CDK14: variants seen among roughly 807,000 people sequenced by gnomAD.
CDK14 encodes cyclin-dependent kinase 14.
A neutral mutation model predicts 60.7 loss-of-function variants in CDK14; 34 were observed. That is an observed-to-expected ratio of 0.56 (90% CI 0.43 to 0.75). The LOEUF is 0.75. CDK14 is among the 30% of genes least tolerant of loss of function. The pLI is 0.00. For missense variants in CDK14, 482 were observed against 564.1 expected, an observed-to-expected ratio of 0.85 and a Z score of 1.47; for synonymous variants, 197 against 203.7, an observed-to-expected ratio of 0.97 and a Z score of 0.28.
At chr7:90,979,859 T>G (rs531197990) in intron 9 of CDK14, 1 of 152,354 alleles carries the variant, frequency 6.6e-6, no homozygotes, top group African/African-American at 2.4e-5. Context: ...AATTTTACTT[T>G]GTTTTCCTGA....
intron 9 of CDK14, among the ~76,000 whole-genome samples, 178 bp downstream of exon 9, chr7:90,955,995 C>G (rs1304599929): frequency 6.6e-6 from 1 of 152,124 alleles, no homozygotes; most frequent in Non-Finnish European, 1.5e-5. Context: ...ATTAGAGTCT[C>G]CTTTGCAGAT....
chr7:91,138,540 T>C (rs983513697), intron 14 of CDK14, among the ~76,000 whole-genome samples: 1 of 152,174 alleles, frequency 6.6e-6, no homozygotes, highest in Non-Finnish European at 1.5e-5. Context: ...GAAAAAGCAA[T>C]AGACCTAGGG....
chr7:90,801,681 G>C (rs1434946101), intron 5 of CDK14, among the ~76,000 whole-genome samples: 1 of 152,098 alleles, frequency 6.6e-6, no homozygotes, highest in Non-Finnish European at 1.5e-5. Context: ...ATTCAGATAT[G>C]CCTTTTATCC....
intron 2 of CDK14, among the ~76,000 whole-genome samples, chr7:90,618,260 A>G (rs897730554): frequency 2.6e-5 from 4 of 152,196 alleles, no homozygotes; most frequent in African/African-American, 7.2e-5. Flanking sequence ...AGAAACATTC[A>G]ATACTTTGGA....
chr7:90,837,713 C>G lies in CDK14; in HGVS notation c.545-25462C>G, dbSNP rs985824471. 3.9e-5 allele frequency among the ~76,000 whole-genome samples: 6 copies of G among 152,204 alleles called. No homozygotes were observed. In the South Asian group the frequency reaches 1.2e-3, roughly 32 times the overall value. On this transcript the variant is annotated intron_variant, in intron 5 of 14. Transcript: ENST00000380050. ...AGCCTGTTCTTCTTTGCTTTTTTTACTACTGGATTCTGCCTTCTTGACTCT... is the reference window on the plus strand; with the variant it reads ...AGCCTGTTCTTCTTTGCTTTTTTTAGTACTGGATTCTGCCTTCTTGACTCT...
intron 2 of CDK14, among the ~76,000 whole-genome samples, chr7:90,694,558 T>G (rs1801618532): frequency 6.6e-6 from 1 of 152,170 alleles, no homozygotes; most frequent in African/African-American, 2.4e-5. Context: ...GATAAAATAT[T>G]TTGGTATCTT....
chr7:90,645,684 G>A (rs1364058156), intron 2 of CDK14, among the ~76,000 whole-genome samples: 4 of 152,102 alleles, frequency 2.6e-5, no homozygotes, highest in African/African-American at 7.2e-5. Context: ...TAAAATGAAT[G>A]TTTTTAGACA....
chr7:90,621,899 G>A (rs1799778246), intron 2 of CDK14, among the ~76,000 whole-genome samples: 1 of 152,204 alleles, frequency 6.6e-6, no homozygotes, highest in African/African-American at 2.4e-5. Context: ...CTCCAGAAGT[G>A]GAGGTGACCC....
intron 12 of CDK14, among the ~76,000 whole-genome samples, chr7:91,105,095 G>A (rs1018965476): frequency 2.0e-5 from 3 of 152,150 alleles, no homozygotes; most frequent in Non-Finnish European, 4.4e-5. Flanking sequence ...GATTTCAGAT[G>A]CGCAGCTGAA....
At chr7:90,967,728 G>A (rs904299466) in intron 9 of CDK14, among the ~76,000 whole-genome samples, 2 of 152,118 alleles carry the variant, frequency 1.3e-5, no homozygotes, top group African/African-American at 4.8e-5. Context: ...TTGGATCTGT[G>A]GGCTGTATGA....
At chr7:90,891,284 TAAAC>T (rs1226171474) in intron 6 of CDK14, among the ~76,000 whole-genome samples, 3 of 152,184 alleles carry the variant, frequency 2.0e-5, no homozygotes, top group Non-Finnish European at 4.4e-5. Context: ...GGGAGCTTCT[TAAAC>T]AAGCAGAGAT....
chr7:90,783,020 C>T (rs1300017099), intron 4 of CDK14, among the ~76,000 whole-genome samples: 21 of 152,014 alleles, frequency 1.4e-4, no homozygotes, highest in Admixed American at 1.4e-3. Context: ...CCTTGGTTGA[C>T]AGATTTTATT....
At chr7:90,604,870 C>A (rs1223975235) in intron 2 of CDK14, among the ~76,000 whole-genome samples, 1 of 152,082 alleles carries the variant, frequency 6.6e-6, no homozygotes, top group Non-Finnish European at 1.5e-5. Context: ...GTAGGAATCA[C>A]CAGAGAAATA....
chr7:91,115,402 C>T (rs1562910673), intron 13 of CDK14, among the ~76,000 whole-genome samples: 1 of 152,096 alleles, frequency 6.6e-6, no homozygotes, highest in Non-Finnish European at 1.5e-5. Context: ...CTCACAAAGC[C>T]ATTAATCTCA....
chr7:91,109,425 C>T (rs142684349), intron 12 of CDK14, among the ~76,000 whole-genome samples: 16 of 151,474 alleles, frequency 1.1e-4, no homozygotes, highest in East Asian at 7.8e-4. Flanking sequence ...AAAAAGAAGA[C>T]GAAAAATTAA....
intron 2 of CDK14, among the ~76,000 whole-genome samples, chr7:90,649,248 C>CTTTCTTTGTTTCTTTGTTTCTTTGTTTG (rs1393039883): frequency 1.6e-4 from 4 of 25,122 alleles, no homozygotes; most frequent in East Asian, 7.9e-4. Context: ...TTCTTTCTTT[C>CTTTCTTTGTTTCTTTGTTTCTTTGTTTG]TTTCTTTCTT....
At chr7:90,756,050 A>G (rs1213065271) in intron 4 of CDK14, among the ~76,000 whole-genome samples, 1 of 152,202 alleles carries the variant, frequency 6.6e-6, no homozygotes, top group South Asian at 2.1e-4. Flanking sequence ...ACAGGTAGTT[A>G]GTGGCAAAGT....
chr7:91,029,127 T>C (rs1359291687), intron 10 of CDK14, among the ~76,000 whole-genome samples: 1 of 152,200 alleles, frequency 6.6e-6, no homozygotes, highest in Non-Finnish European at 1.5e-5. Flanking sequence ...TCATCTTGAA[T>C]TGACTTTTGT....
In CDK14 at chr7:90,596,343, G is replaced by GGCGGCGGCGGCGCGGCGCGGGGCCACC. The variant is rs1400568515; in HGVS notation, c.-284_-258dup. On this transcript the variant is annotated 5_prime_UTR_variant, in exon 1 of 15. Transcript: ENST00000380050. The stretch of plus-strand genomic sequence containing the variant: ...GTTACAAAGGAGGGAAAATGAGCCG[G>GGCGGCGGCGGCGCGGCGCGGGGCCACC]GCGGCGGCGGCGCGGCGCGGGGCCA... Among the ~76,000 whole-genome samples, 1 of 149,988 alleles carries GGCGGCGGCGGCGCGGCGCGGGGCCACC rather than the reference G, an allele frequency of 6.7e-6. No homozygotes were observed. The highest frequency in any genetic ancestry group is 1.5e-5 in the Non-Finnish European group (1 of 67,318).
Sources: allele counts gnomAD v4.1 joint callset (sites outside exome capture counted in the v4.1 genomes callset), GRCh38; gene constraint gnomAD v4.1.1; transcripts MANE v1.5; gene names NCBI Gene and HGNC (gene_info 2026-07-23, HGNC 2026-07-21).